CTNNA2: variants seen among roughly 807,000 people sequenced by gnomAD.
CTNNA2 encodes catenin alpha 2, also known as catenin alpha-2.
Under a neutral mutation model 101.0 loss-of-function variants are expected in CTNNA2, and 42 were observed. The ratio of observed to expected loss-of-function variants is 0.42; its 90% CI spans 0.32 to 0.54. The LOEUF is 0.54. Among genes scored for constraint, CTNNA2 ranks in the 20% least tolerant of loss-of-function variants. The pLI is 0.14. For missense variants in CTNNA2, 871 were observed against 1,223.1 expected (o/e 0.71, Z 4.29); for synonymous variants, 450 against 456.4 (o/e 0.99, Z 0.18).
At chr2:79,305,685 A>G (rs1676223487) in intron 2 of CTNNA2, among the ~76,000 whole-genome samples, 1 of 152,130 alleles carries the variant, frequency 6.6e-6, no homozygotes, top group Non-Finnish European at 1.5e-5. Flanking sequence ...ATATAGGTTA[A>G]CATAGATCAA....
chr2:79,995,683 G>A (rs981899638), intron 7 of CTNNA2, among the ~76,000 whole-genome samples: 3 of 152,034 alleles, frequency 2.0e-5, no homozygotes, highest in Admixed American at 6.6e-5. Context: ...ACATGGTGGT[G>A]CATCCCTGTG....
intron 1 of CTNNA2, among the ~76,000 whole-genome samples, chr2:79,582,258 T>A (rs1573399107): frequency 1.3e-5 from 2 of 152,254 alleles, no homozygotes; most frequent in East Asian, 3.8e-4. Flanking sequence ...AGGCACAAGG[T>A]AAATACTCAG....
At chr2:80,481,135 T>C (rs1686111911) in intron 9 of CTNNA2, among the ~76,000 whole-genome samples, 1 of 152,144 alleles carries the variant, frequency 6.6e-6, no homozygotes, top group South Asian at 2.1e-4. Context: ...CCAAATTATA[T>C]GCCAGAAACC....
At chr2:79,545,053 AC>A (rs1398956109) in intron 1 of CTNNA2, among the ~76,000 whole-genome samples, 7 of 152,322 alleles carry the variant, frequency 4.6e-5, no homozygotes, top group African/African-American at 1.7e-4. Flanking sequence ...AAATATCTAC[AC>A]AATATTTAAA....
At chr2:79,721,083 C>T (rs919348902) in intron 2 of CTNNA2, among the ~76,000 whole-genome samples, 1 of 150,336 alleles carries the variant, frequency 6.7e-6, no homozygotes, top group African/African-American at 2.4e-5. Context: ...TCACATCATG[C>T]TTCTTGTTCA....
At chr2:80,433,507 G>T (rs373911750) in intron 9 of CTNNA2, among the ~76,000 whole-genome samples, 11 of 152,178 alleles carry the variant, frequency 7.2e-5, no homozygotes, top group East Asian at 5.9e-4. Flanking sequence ...GATTCAGGCT[G>T]TCGCCGCAGG....
intron 9 of CTNNA2, among the ~76,000 whole-genome samples, chr2:80,446,607 GA>G (rs199807497): frequency 6.6e-6 from 1 of 150,838 alleles, no homozygotes; most frequent in African/African-American, 2.4e-5. Flanking sequence ...TTGTGTTCTG[GA>G]AAAAAAAATC....
intron 7 of CTNNA2, among the ~76,000 whole-genome samples, chr2:80,067,395 T>A (rs1698057415): frequency 6.6e-6 from 1 of 152,134 alleles, no homozygotes; most frequent in Non-Finnish European, 1.5e-5. Flanking sequence ...AATATAAACA[T>A]GTTTTATATA....
At chr2:80,116,902 AGTGT>A (rs112383959) in intron 7 of CTNNA2, among the ~76,000 whole-genome samples, 1,777 of 143,594 alleles carry the variant, frequency 0.012, 22 homozygotes, top group Middle Eastern at 0.032. Flanking sequence ...AGAAGAAAAT[AGTGT>A]GTGTGTGTGT....
intron 1 of CTNNA2, among the ~76,000 whole-genome samples, chr2:79,635,416 A>G (rs1230759940): frequency 6.6e-6 from 1 of 151,902 alleles, no homozygotes; most frequent in Non-Finnish European, 1.5e-5. Flanking sequence ...TGGGTGGCAG[A>G]GCTAGCAGAG....
intron 9 of CTNNA2, among the ~76,000 whole-genome samples, chr2:80,492,152 T>C (rs754917274): frequency 4.6e-5 from 7 of 152,190 alleles, no homozygotes; most frequent in Non-Finnish European, 8.8e-5. Context: ...ATTTCACCCT[T>C]GCTGTTCTTG....
intron 7 of CTNNA2, among the ~76,000 whole-genome samples, chr2:79,994,589 GA>G (rs908597670): frequency 3.8e-4 from 56 of 146,478 alleles, no homozygotes; most frequent in Middle Eastern, 3.6e-3. Context: ...TGTTTCATAG[GA>G]AAAAAAAAAA....
chr2:80,519,358 C>A (rs1026674757), intron 9 of CTNNA2, among the ~76,000 whole-genome samples: 1 of 152,128 alleles, frequency 6.6e-6, no homozygotes, highest in Non-Finnish European at 1.5e-5. Flanking sequence ...GTGACAAGAT[C>A]ATTGGACTGG....
intron 2 of CTNNA2, among the ~76,000 whole-genome samples, chr2:79,235,614 A>C (rs1212023746): frequency 6.6e-6 from 1 of 151,804 alleles, no homozygotes; most frequent in Non-Finnish European, 1.5e-5. Flanking sequence ...GGCACACACC[A>C]CTCCTCCATA....
chr2:79,800,279 G>A (rs908710833), intron 3 of CTNNA2, among the ~76,000 whole-genome samples: 1 of 151,956 alleles, frequency 6.6e-6, no homozygotes, highest in Non-Finnish European at 1.5e-5. Flanking sequence ...ATAAAAGATG[G>A]CTGTGCTGCT....
rs183912689 is a variant in CTNNA2 at position 80,276,637 on chromosome 2, G to C, written c.1057-116574G>C. On this transcript the variant is annotated intron_variant, in intron 7 of 18. Coordinates refer to ENST00000402739, the MANE Select transcript of CTNNA2 (RefSeq NM_001282597.3). Reference sequence around the variant, plus strand: ...TCACATGGCAAGGGGAAGGAAATGAGAGAAAGAGAGGAGGAGAAGGAGGAG... The same window carrying C: ...TCACATGGCAAGGGGAAGGAAATGACAGAAAGAGAGGAGGAGAAGGAGGAG... Among the ~76,000 whole-genome samples the C allele has an allele frequency of 2.7e-3, 414 of 152,110 alleles. 1 individual carries two copies. The highest frequency in any genetic ancestry group is 9.5e-3 in the African/African-American group (394 of 41,518).
At chr2:79,629,105 TTGCTTC>T (rs1328226020) in intron 1 of CTNNA2, among the ~76,000 whole-genome samples, 1 of 152,174 alleles carries the variant, frequency 6.6e-6, no homozygotes, top group Non-Finnish European at 1.5e-5. Context: ...CTTCCCCTTA[TTGCTTC>T]CCCTATGCCA....
chr2:79,338,199 T>A (rs1677039039), intron 3 of CTNNA2, among the ~76,000 whole-genome samples: 1 of 138,730 alleles, frequency 7.2e-6, no homozygotes, highest in Non-Finnish European at 1.5e-5. Flanking sequence ...TGAGCCAAGA[T>A]CGTGCCACTG....
At chr2:79,522,940 A>G (rs1362023167) in intron 1 of CTNNA2, among the ~76,000 whole-genome samples, 1 of 152,204 alleles carries the variant, frequency 6.6e-6, no homozygotes, top group Non-Finnish European at 1.5e-5. Flanking sequence ...AACAAGAAAA[A>G]GAGTCTGGAA....
Sources: gnomAD v4.1 joint callset for allele counts (sites outside exome capture counted in the v4.1 genomes callset) on GRCh38, gnomAD v4.1.1 for gene constraint, MANE v1.5 for transcripts, NCBI Gene and HGNC (gene_info 2026-07-23, HGNC 2026-07-21) for gene names.